CADM2: variants seen among roughly 807,000 people sequenced by gnomAD.
CADM2 encodes the protein cell adhesion molecule 2.
Under a neutral mutation model 49.8 loss-of-function variants are expected in CADM2, and 12 were observed. The observed-to-expected ratio is 0.24, with a 90% CI of 0.15 to 0.39. The LOEUF is 0.39. CADM2 is among the 10% of genes least tolerant of loss of function. The pLI is 1.00. For missense variants in CADM2, 378 were observed against 492.3 expected (o/e 0.77, Z 2.20); for synonymous variants, 214 against 175.4 (o/e 1.22, Z -1.74).
chr3:85,427,104 G>T (rs910132677), intron 1 of CADM2, among the ~76,000 whole-genome samples: 15 of 146,912 alleles, frequency 1.0e-4, no homozygotes, highest in African/African-American at 3.1e-4. Flanking sequence ...CCTTGTTCGG[G>T]ACCATTAACA....
chr3:86,000,013 C>T (rs1258765647), intron 8 of CADM2, among the ~76,000 whole-genome samples: 1 of 152,070 alleles, frequency 6.6e-6, no homozygotes, highest in Non-Finnish European at 1.5e-5. Flanking sequence ...GAGAAGCTGA[C>T]AAAATAAAGC....
intron 8 of CADM2, among the ~76,000 whole-genome samples, chr3:86,022,790 G>A (rs530309499): frequency 2.0e-5 from 3 of 151,750 alleles, no homozygotes; most frequent in Admixed American, 6.6e-5. Context: ...AATAACTTCA[G>A]GCCTCAGTTA....
intron 8 of CADM2, among the ~76,000 whole-genome samples, chr3:85,963,324 A>G (rs1055709642): frequency 1.3e-5 from 2 of 151,920 alleles, no homozygotes; most frequent in Non-Finnish European, 2.9e-5. Flanking sequence ...AGACTGATAA[A>G]TTGTATTTAA....
intron 1 of CADM2, among the ~76,000 whole-genome samples, chr3:85,082,682 A>G (rs1191426489): frequency 6.6e-6 from 1 of 152,156 alleles, no homozygotes; most frequent in Non-Finnish European, 1.5e-5. Context: ...CCTAGAATTT[A>G]GGGCACACGG....
intron 1 of CADM2, among the ~76,000 whole-genome samples, chr3:85,714,656 T>A (rs1180326005): frequency 6.6e-6 from 1 of 152,096 alleles, no homozygotes; most frequent in Non-Finnish European, 1.5e-5. Context: ...GGTCTCGATC[T>A]CCTGACCTCG....
At chr3:85,272,338 C>T (rs955261048) in intron 1 of CADM2, among the ~76,000 whole-genome samples, 6 of 151,036 alleles carry the variant, frequency 4.0e-5, no homozygotes, top group East Asian at 1.9e-4. Flanking sequence ...ATATACAATT[C>T]GTTGTACCAC....
intron 8 of CADM2, among the ~76,000 whole-genome samples, chr3:85,999,329 C>T (rs933795630): frequency 2.6e-5 from 4 of 151,198 alleles, no homozygotes; most frequent in South Asian, 2.1e-4. Flanking sequence ...CATGGTGAAA[C>T]CCCCATCTCT....
chr3:85,742,078 C>T (rs571432804), intron 2 of CADM2, among the ~76,000 whole-genome samples: 22 of 152,306 alleles, frequency 1.4e-4, no homozygotes, highest in African/African-American at 5.1e-4. Context: ...TCCAGCAGTA[C>T]CTAACGCTTA....
intron 8 of CADM2, among the ~76,000 whole-genome samples, chr3:86,059,937 A>C (rs1738418987): frequency 6.6e-6 from 1 of 152,168 alleles, no homozygotes; most frequent in Non-Finnish European, 1.5e-5. Flanking sequence ...TTACTTGTAG[A>C]CATATAAAGT....
chr3:85,374,617 T>C (rs2033477004), intron 1 of CADM2, among the ~76,000 whole-genome samples: 1 of 152,184 alleles, frequency 6.6e-6, no homozygotes, highest in Non-Finnish European at 1.5e-5. Flanking sequence ...CTGGGTAATC[T>C]ATAAAGTAAA....
chr3:85,166,241 G>A (rs897309641), intron 1 of CADM2, among the ~76,000 whole-genome samples: 7 of 151,746 alleles, frequency 4.6e-5, no homozygotes, highest in African/African-American at 9.7e-5. Flanking sequence ...TCCGTCATCC[G>A]CACTATCTCA....
intron 1 of CADM2, among the ~76,000 whole-genome samples, chr3:85,080,402 T>C (rs1242708399): frequency 6.6e-6 from 1 of 151,940 alleles, no homozygotes; most frequent in South Asian, 2.1e-4. Flanking sequence ...AAAAAAGGAG[T>C]AGGCATTCAA....
chr3:85,313,915 G>C (rs1440010817), intron 1 of CADM2, among the ~76,000 whole-genome samples: 1 of 152,180 alleles, frequency 6.6e-6, no homozygotes. Context: ...TTTTGAGATG[G>C]AGTCTCTCTC....
intron 2 of CADM2, among the ~76,000 whole-genome samples, chr3:85,748,799 A>G (rs981767804): frequency 6.6e-6 from 1 of 152,104 alleles, no homozygotes; most frequent in Non-Finnish European, 1.5e-5. Context: ...GAACTTTACT[A>G]GTTCTTAATA....
chr3:85,215,274 A>G lies in CADM2; in HGVS notation c.61+255606A>G, dbSNP rs150364497. Among the ~76,000 whole-genome samples the G allele has an allele frequency of 2.1e-3, 316 of 149,880 alleles. 4 individuals carry two copies. The highest frequency in any genetic ancestry group is 0.018 in the Admixed American group (260 of 14,852). The stretch of plus-strand genomic sequence containing the variant: ...TGCCCTCTGGGAACTAGGGTCTGGA[A>G]TAGGGCCCTCAGGACTCTACCTAGT... On this transcript the variant is annotated intron_variant, in intron 1 of 9. Transcript: ENST00000383699.
chr3:85,699,389 T>G (rs1457989425), intron 1 of CADM2, among the ~76,000 whole-genome samples: 1 of 152,184 alleles, frequency 6.6e-6, no homozygotes, highest in Non-Finnish European at 1.5e-5. Context: ...CTCTCCACAC[T>G]GCCCTAGTAG....
At chr3:85,714,480 G>T (rs1330972514) in intron 1 of CADM2, among the ~76,000 whole-genome samples, 2 of 152,104 alleles carry the variant, frequency 1.3e-5, no homozygotes, top group Non-Finnish European at 2.9e-5. Flanking sequence ...AGGCTGGAGT[G>T]CAGTGGTGGG....
intron 3 of CADM2, among the ~76,000 whole-genome samples, chr3:85,877,684 G>GTTTTTTTTT (rs368101272): frequency 6.2e-5 from 7 of 112,020 alleles, no homozygotes; most frequent in Non-Finnish European, 8.9e-5. Flanking sequence ...TTTTTCTTCT[G>GTTTTTTTTT]TTTTTTTTTT....
intron 1 of CADM2, among the ~76,000 whole-genome samples, chr3:85,322,273 G>A (rs2044634624): frequency 6.6e-6 from 1 of 152,152 alleles, no homozygotes; most frequent in Admixed American, 6.5e-5. Context: ...TCTGTTTACG[G>A]TAGCATGTCC....
Sources: allele counts gnomAD v4.1 joint callset (sites outside exome capture counted in the v4.1 genomes callset), GRCh38; gene constraint gnomAD v4.1.1; transcripts MANE v1.5; gene names NCBI Gene and HGNC (gene_info 2026-07-23, HGNC 2026-07-21).